Variants in SEC24B observed in about 807,000 individuals in gnomAD.
SEC24B encodes SEC24 homolog B, COPII component.
In SEC24B, 45 loss-of-function variants were observed where a neutral mutation model predicts 142.8. The ratio of observed to expected loss-of-function variants is 0.32; its 90% CI spans 0.25 to 0.40. The LOEUF (loss-of-function observed/expected upper bound fraction) is 0.40, where lower values mean the gene tolerates loss of function less well. Ranked by LOEUF, SEC24B falls within the 10% of genes least tolerant of loss-of-function variation. The probability of loss-of-function intolerance (pLI) is 1.00; values close to 1 mark genes in which losing one functional copy is unlikely to be tolerated. For missense variants in SEC24B, 1,409 were observed against 1,526.8 expected, an observed-to-expected ratio of 0.92 and a Z score of 1.29; for synonymous variants, 574 against 568.2, an observed-to-expected ratio of 1.01 and a Z score of -0.15.
At chr4:109,526,094 A>G (rs577151617) in intron 16 of SEC24B, 132 bp from the exon 17 acceptor site, 81 of 793,970 alleles carry the variant, frequency 1.0e-4, no homozygotes, top group Admixed American at 8.2e-4. Context: ...AACTCTGCCT[A>G]TGCTTGAACC....
At chr4:109,513,276 CT>C (rs941662596) in intron 9 of SEC24B, among the ~76,000 whole-genome samples, 2 of 136,530 alleles carry the variant, frequency 1.5e-5, no homozygotes, top group African/African-American at 3.2e-5. Flanking sequence ...GCCTGGCCCC[CT>C]GATTATTATT....
intron 11 of SEC24B, among the ~76,000 whole-genome samples, chr4:109,517,248 GGATA>G (rs1262134764): frequency 6.6e-6 from 1 of 152,144 alleles, no homozygotes; most frequent in Non-Finnish European, 1.5e-5. Flanking sequence ...ACAGATGGAT[GGATA>G]AAGAAACTGG....
chr4:109,503,475 C>T (rs560123204), intron 6 of SEC24B, among the ~76,000 whole-genome samples: 41 of 152,194 alleles, frequency 2.7e-4, no homozygotes, highest in African/African-American at 9.6e-4. Context: ...CCACCCACCT[C>T]GGCCTTCCAA....
At chr4:109,527,829 A>T (rs577198113) in intron 18 of SEC24B, among the ~76,000 whole-genome samples, 1 of 152,200 alleles carries the variant, frequency 6.6e-6, no homozygotes, top group East Asian at 1.9e-4. Context: ...TCTCTTATTT[A>T]AAAAGCATAT....
intron 6 of SEC24B, among the ~76,000 whole-genome samples, chr4:109,495,915 C>A (rs918293995): frequency 6.6e-5 from 10 of 152,054 alleles, no homozygotes; most frequent in African/African-American, 1.9e-4. Flanking sequence ...ATTCCCATAC[C>A]CTCACTATCT....
intron 6 of SEC24B, among the ~76,000 whole-genome samples, chr4:109,498,748 C>G (rs1735799526): frequency 6.6e-6 from 1 of 152,010 alleles, no homozygotes; most frequent in Non-Finnish European, 1.5e-5. Context: ...AGTTGAAATG[C>G]CTTTAAATGT....
At chr4:109,518,484 A>G (rs1474404911) in intron 11 of SEC24B, among the ~76,000 whole-genome samples, 1 of 152,150 alleles carries the variant, frequency 6.6e-6, no homozygotes, top group African/African-American at 2.4e-5. Context: ...GTTCTCCTCT[A>G]TCTTTCATTT....
chr4:109,513,973 A>C, intron 10 of SEC24B, 117 bp downstream of exon 10: 1 of 634,838 alleles, frequency 1.6e-6, no homozygotes, highest in Non-Finnish European at 2.8e-6. Flanking sequence ...AATTTTTAAA[A>C]ACAAATTAAT....
intron 11 of SEC24B, among the ~76,000 whole-genome samples, chr4:109,518,540 A>G (rs1326000460): frequency 6.6e-6 from 1 of 152,202 alleles, no homozygotes; most frequent in African/African-American, 2.4e-5. Flanking sequence ...TCTAGTCACC[A>G]TAGTCTTCAT....
intron 8 of SEC24B, among the ~76,000 whole-genome samples, chr4:109,511,190 A>G (rs1737284199): frequency 1.3e-5 from 2 of 151,888 alleles, no homozygotes; most frequent in Admixed American, 1.3e-4. Context: ...TACCTTCTGG[A>G]AGCATGTATA....
intron 23 of SEC24B, 37 bp from the exon 24 acceptor site, chr4:109,539,524 A>T: frequency 1.5e-6 from 2 of 1,298,966 alleles, no homozygotes; most frequent in Non-Finnish European, 2.2e-6. Flanking sequence ...CAGGGCTTTT[A>T]AATACGTTTA....
chr4:109,500,693 C>G (rs1167299580), intron 6 of SEC24B, among the ~76,000 whole-genome samples: 1 of 151,928 alleles, frequency 6.6e-6, no homozygotes. Context: ...CTTCTGTCAC[C>G]CAGGCTAGAG....
At chr4:109,461,192 A>G (rs1731221202) in intron 1 of SEC24B, among the ~76,000 whole-genome samples, 1 of 152,216 alleles carries the variant, frequency 6.6e-6, no homozygotes, top group Admixed American at 6.5e-5. Context: ...TAACTACTGT[A>G]AACTAAAGTG....
At position 109,527,338 on chromosome 4, in the gene SEC24B, A is replaced by T. The variant is rs1724359434; in HGVS notation, c.2982A>T (p.Arg994Ser). Residue 994 changes from arginine to serine, a missense_variant, in exon 18 of 24, where the codon AGA (arginine) becomes AGT (serine). By Grantham distance (110) the Arg-to-Ser change is moderately radical. Transcript: ENST00000265175. ...TTTTTTTAGGTGAGCGGAGAATTAG[A>T]GTACATACACTTTGTTTGCCAGTGG... The part of the protein sequence containing the change: ...YTSSKGERRI[R>S]VHTLCLPVVS... 1.2e-6 allele frequency: 2 copies of T among 1,608,986 alleles called. No homozygotes were observed. The highest frequency in any genetic ancestry group is 1.7e-6 in the Non-Finnish European group (2 of 1,177,418).
At chr4:109,491,294 T>TAAACCTAGTAGATA in intron 4 of SEC24B, 33 bp from the exon 5 acceptor site, 1 of 1,540,244 alleles carries the variant, frequency 6.5e-7, no homozygotes, top group East Asian at 2.3e-5. Context: ...TTTGTCATTT[T>TAAACCTAGTAGATA]AAACCTAGTA....
Position 109,433,884 on chromosome 4 carries a change from C to A in SEC24B, c.15C>A (p.Ala5=). 1 of 1,342,762 alleles carries A rather than the reference C, an allele frequency of 7.4e-7. No homozygotes were observed. The highest frequency in any genetic ancestry group is 9.6e-7 in the Non-Finnish European group (1 of 1,043,136). The allele number at this position is 1,342,762 out of a possible 1,614,324, so 83.2% of individuals were successfully genotyped here. The change falls in exon 1 of 24, where the codon GCC becomes GCA. Residue 5 remains alanine (A), a synonymous_variant. Coordinates refer to ENST00000265175, the MANE Select transcript of SEC24B (RefSeq NM_006323.5). ...CCAGCGCCGTCATGTCGGCCCCCGC[C>A]GGGTCCTCTCACCCGGCCGCCAGCG... MSAP[A]GSSHPAASAR...
chr4:109,476,424 A>G lies in SEC24B; in HGVS notation c.1060+3238A>G, dbSNP rs531336750. 5.9e-5 allele frequency among the ~76,000 whole-genome samples: 9 copies of G among 152,256 alleles called. No individual in the cohort carries two copies. In the South Asian group the frequency reaches 1.9e-3, roughly 32 times the overall value. ...GAATGGGCTGTCTCCTCTCCCCACT[A>G]TAGTTTTGTATCTGAGTTGAATATG... On this transcript the variant is annotated intron_variant, in intron 3 of 23. Transcript: ENST00000265175.
intron 1 of SEC24B, among the ~76,000 whole-genome samples, chr4:109,451,552 C>A (rs1043805321): frequency 2.0e-5 from 3 of 152,084 alleles, no homozygotes; most frequent in Non-Finnish European, 4.4e-5. Context: ...CCTTTTCCCC[C>A]AATCTTTTTG....
At chr4:109,487,768 G>A (rs1291106827) in intron 4 of SEC24B, among the ~76,000 whole-genome samples, 1 of 152,086 alleles carries the variant, frequency 6.6e-6, no homozygotes, top group Non-Finnish European at 1.5e-5. Flanking sequence ...TATTTTGACA[G>A]GTTCACAAAT....
Sources: gnomAD v4.1 joint callset for allele counts (sites outside exome capture counted in the v4.1 genomes callset) on GRCh38, gnomAD v4.1.1 for gene constraint, MANE v1.5 for transcripts, NCBI Gene and HGNC (gene_info 2026-07-23, HGNC 2026-07-21) for gene names.